FBN2: variants seen among roughly 807,000 people sequenced by gnomAD.
FBN2 encodes fibrillin 2.
In FBN2, 105 loss-of-function variants were observed where a neutral mutation model predicts 355.6. The ratio of observed to expected loss-of-function variants is 0.30; its 90% CI spans 0.25 to 0.35. The LOEUF (loss-of-function observed/expected upper bound fraction) is 0.35, where lower values mean the gene tolerates loss of function less well. Among genes scored for constraint, FBN2 ranks in the 10% least tolerant of loss-of-function variants. FBN2 has a pLI of 1.00. For synonymous variants in FBN2, 1,350 were observed against 1,301.2 expected, an observed-to-expected ratio of 1.04 and a Z score of -0.81; for missense variants, 3,280 against 3,758.7, an observed-to-expected ratio of 0.87 and a Z score of 3.33.
chr5:128,422,078 T>C (rs556696423), intron 7 of FBN2, among the ~76,000 whole-genome samples: 2 of 152,254 alleles, frequency 1.3e-5, no homozygotes, highest in South Asian at 4.2e-4. Flanking sequence ...CTCTCGAAAC[T>C]TGAAAAGGCA....
chr5:128,393,041 A>C, intron 10 of FBN2, 94 bp downstream of exon 10: 1 of 1,018,186 alleles, frequency 9.8e-7, no homozygotes, highest in Non-Finnish European at 1.6e-6. Context: ...AAGTGTGTTC[A>C]TACAACCCTT....
intron 2 of FBN2, among the ~76,000 whole-genome samples, chr5:128,535,722 A>C (rs964642167): frequency 2.0e-5 from 3 of 151,670 alleles, no homozygotes; most frequent in African/African-American, 7.3e-5. Flanking sequence ...GAGATACAGA[A>C]TTTTTCAAGG....
chr5:128,537,303 C>T (rs765138465), intron 1 of FBN2, 47 bp downstream of exon 1: 20 of 1,603,814 alleles, frequency 1.2e-5, no homozygotes, highest in Non-Finnish European at 1.6e-5. Flanking sequence ...AGGATTCCCC[C>T]CTCCCCCAAG....
In FBN2 at chr5:128,361,860, G is replaced by A. The variant is rs773678519; in HGVS notation, c.2429-12C>T. Reference sequence around the variant, plus strand: ...ACATTCATCAATGTCTGAAAGCAACGATTGAAAGATAGGAGATACACATAT... The same window carrying A: ...ACATTCATCAATGTCTGAAAGCAACAATTGAAAGATAGGAGATACACATAT... On this transcript the variant is annotated splice_polypyrimidine_tract_variant and intron_variant, in intron 18 of 64. Transcript: ENST00000262464. 20 of 1,613,090 alleles carry A rather than the reference G, an allele frequency of 1.2e-5. 1 individual carries two copies. In the South Asian group the frequency reaches 1.9e-4, roughly 15 times the overall value.
chr5:128,391,982 A>C (rs1752523665), intron 11 of FBN2, 36 bp downstream of exon 11: 1 of 1,598,554 alleles, frequency 6.3e-7, no homozygotes, highest in Non-Finnish European at 8.6e-7. Flanking sequence ...GCTACTAAAA[A>C]AACTAAGAAG....
chr5:128,454,719 C>T (rs1754338865), intron 6 of FBN2, among the ~76,000 whole-genome samples: 1 of 152,184 alleles, frequency 6.6e-6, no homozygotes, highest in South Asian at 2.1e-4. Context: ...AGAACACACA[C>T]CAGCATTTGT....
At chr5:128,410,848 T>C (rs1753043266) in intron 7 of FBN2, among the ~76,000 whole-genome samples, 1 of 152,182 alleles carries the variant, frequency 6.6e-6, no homozygotes, top group African/African-American at 2.4e-5. Flanking sequence ...AGCTTCAAAA[T>C]AATTATACAT....
Position 128,309,305 on chromosome 5 carries a change from T to G in FBN2, c.5295A>C (p.Thr1765=), listed in dbSNP as rs941916367. The part of the protein sequence containing the change: ...FNVTKRMCCC[T]YNVGKAWNKP... ...TGTTCCAGGCTTTGCCCACATTATATGTGCAGCAGCACATCCTTTTTGTCA... is the reference window on the plus strand; with the variant it reads ...TGTTCCAGGCTTTGCCCACATTATAGGTGCAGCAGCACATCCTTTTTGTCA... The change falls in exon 41 of 65, where the codon ACA becomes ACC. Residue 1765 remains threonine (T), a synonymous_variant. Transcript: ENST00000262464. The G allele has an allele frequency of 3.1e-6, 5 of 1,614,066 alleles. No homozygotes were observed. The highest frequency in any genetic ancestry group is 2.7e-5 in the African/African-American group (2 of 74,952).
chr5:128,416,312 A>G (rs375189264), intron 7 of FBN2, among the ~76,000 whole-genome samples: 1 of 152,214 alleles, frequency 6.6e-6, no homozygotes, highest in East Asian at 1.9e-4. Context: ...GGCGTGAGCC[A>G]CTGAGCCCGA....
chr5:128,524,739 A>G (rs1179963203), intron 4 of FBN2, among the ~76,000 whole-genome samples: 2 of 152,144 alleles, frequency 1.3e-5, no homozygotes, highest in Non-Finnish European at 2.9e-5. Flanking sequence ...TCTATTAGTT[A>G]TCATACCTTT....
intron 36 of FBN2, among the ~76,000 whole-genome samples, chr5:128,315,777 A>AAATATTGCGGGTTGAAGTTCTTTCT (rs1446148860): frequency 3.3e-5 from 5 of 152,214 alleles, no homozygotes; most frequent in Admixed American, 6.5e-5. Flanking sequence ...TCTTGTTACC[A>AAATATTGCGGGTTGAAGTTCTTTCT]AATATTGCGG....
intron 34 of FBN2, among the ~76,000 whole-genome samples, chr5:128,322,394 C>T (rs547803404): frequency 6.6e-6 from 1 of 152,250 alleles, no homozygotes; most frequent in East Asian, 1.9e-4. Context: ...CCTAGGTTTT[C>T]TTCTGGCGTT....
chr5:128,518,068 A>T (rs903796473), intron 5 of FBN2, among the ~76,000 whole-genome samples: 2 of 152,166 alleles, frequency 1.3e-5, no homozygotes, highest in African/African-American at 4.8e-5. Flanking sequence ...GCTTACACAC[A>T]GCACACACAC....
chr5:128,525,452 A>C (rs1293037902), intron 4 of FBN2, among the ~76,000 whole-genome samples: 1 of 152,112 alleles, frequency 6.6e-6, no homozygotes, highest in Admixed American at 6.6e-5. Flanking sequence ...GAAATACCTG[A>C]ATGTACAAAG....
intron 26 of FBN2, 149 bp downstream of exon 26, chr5:128,338,784 C>T: frequency 1.1e-6 from 1 of 925,148 alleles, no homozygotes. Context: ...AGCGCATTTC[C>T]TGTCTGACAT....
chr5:128,283,046 C>T (rs1220595360), intron 55 of FBN2, among the ~76,000 whole-genome samples: 1 of 152,196 alleles, frequency 6.6e-6, no homozygotes, highest in African/African-American at 2.4e-5. Context: ...CCCCTATGAA[C>T]CACTGGGCTA....
intron 34 of FBN2, among the ~76,000 whole-genome samples, chr5:128,322,619 G>A (rs1750412756): frequency 6.6e-6 from 1 of 151,956 alleles, no homozygotes; most frequent in South Asian, 2.1e-4. Context: ...ATTTCTGAGG[G>A]CTCTGTTCTG....
intron 5 of FBN2, among the ~76,000 whole-genome samples, chr5:128,488,432 C>T (rs963354903): frequency 1.3e-5 from 2 of 151,980 alleles, no homozygotes; most frequent in African/African-American, 4.8e-5. Flanking sequence ...TCAAGTTCTA[C>T]CTTTTAGATA....
At chr5:128,315,203 T>C (rs547492349) in intron 36 of FBN2, among the ~76,000 whole-genome samples, 1 of 152,302 alleles carries the variant, frequency 6.6e-6, no homozygotes, top group East Asian at 1.9e-4. Flanking sequence ...AAAACTAATA[T>C]ACAGAAGAAA....
Sources: gnomAD v4.1 joint callset for allele counts (sites outside exome capture counted in the v4.1 genomes callset) on GRCh38, gnomAD v4.1.1 for gene constraint, MANE v1.5 for transcripts, NCBI Gene and HGNC (gene_info 2026-07-23, HGNC 2026-07-21) for gene names.